KSR1: variants seen among roughly 807,000 people sequenced by gnomAD.
KSR1 encodes kinase suppressor of ras.
A neutral mutation model predicts 92.9 loss-of-function variants in KSR1; 35 were observed. The observed-to-expected ratio is 0.38, with a 90% CI of 0.29 to 0.50. The LOEUF (loss-of-function observed/expected upper bound fraction) is 0.50, where lower values mean the gene tolerates loss of function less well. KSR1 is among the 20% of genes least tolerant of loss of function. KSR1 has a pLI of 0.94. For missense variants in KSR1, 972 were observed against 1,158.5 expected (o/e 0.84, Z 2.34); for synonymous variants, 467 against 472.6 (o/e 0.99, Z 0.15).
intron 1 of KSR1, among the ~76,000 whole-genome samples, chr17:27,497,148 G>A (rs1411284681): frequency 2.0e-5 from 3 of 152,150 alleles, no homozygotes; most frequent in African/African-American, 4.8e-5. Flanking sequence ...ACCTCTTTGC[G>A]ATATGAGACA....
At chr17:27,621,048 G>A in intron 19 of KSR1, 145 bp from the exon 20 acceptor site, 1 of 396,404 alleles carries the variant, frequency 2.5e-6, no homozygotes, top group Non-Finnish European at 4.4e-6. Context: ...TTATTTTCGG[G>A]GGGTGGCGGA....
At chr17:27,461,675 C>G (rs1426222210) in intron 1 of KSR1, among the ~76,000 whole-genome samples, 2 of 152,202 alleles carry the variant, frequency 1.3e-5, no homozygotes, top group Non-Finnish European at 1.5e-5. Flanking sequence ...GGAGGGAGAC[C>G]CGCAGTGGCT....
At chr17:27,585,803 C>T (rs2072947357) in intron 5 of KSR1, 142 bp downstream of exon 5, 2 of 700,106 alleles carry the variant, frequency 2.9e-6, no homozygotes, top group Admixed American at 4.1e-5. Flanking sequence ...CTGGTGACCA[C>T]CTCAGGAAAT....
At chr17:27,606,499 C>T (rs1356248915) in intron 14 of KSR1, among the ~76,000 whole-genome samples, 25 of 152,192 alleles carry the variant, frequency 1.6e-4, no homozygotes, top group Non-Finnish European at 2.9e-5. Context: ...GCCTCCTGCA[C>T]CCGATTGTGG....
intron 19 of KSR1, among the ~76,000 whole-genome samples, chr17:27,618,734 C>T (rs1344872270): frequency 6.6e-6 from 1 of 152,204 alleles, no homozygotes; most frequent in Admixed American, 6.5e-5. Flanking sequence ...TGCCCCCCAA[C>T]CATGTAGAAA....
intron 1 of KSR1, among the ~76,000 whole-genome samples, chr17:27,475,087 G>T (rs971892205): frequency 6.6e-6 from 1 of 152,156 alleles, no homozygotes; most frequent in Non-Finnish European, 1.5e-5. Context: ...GTAGAGAAGG[G>T]CTCCATGGGG....
intron 1 of KSR1, among the ~76,000 whole-genome samples, chr17:27,513,145 A>G (rs1202790924): frequency 6.6e-6 from 1 of 152,144 alleles, no homozygotes; most frequent in Non-Finnish European, 1.5e-5. Flanking sequence ...CTTTCATGCA[A>G]CATTGTTGTG....
chr17:27,582,664 A>T lies in KSR1; in HGVS notation c.539A>T (p.Asp180Val), dbSNP rs756267878. 3.1e-6 allele frequency: 5 copies of T among 1,609,654 alleles called. No individual in the cohort carries two copies. In the Admixed American group the frequency reaches 5.0e-5, roughly 16 times the overall value. The change falls in exon 4 of 21, where the codon GAC becomes GTC. Residue 180 changes from aspartate (D) to valine (V), a missense_variant. Coordinates refer to ENST00000644974, the MANE Select transcript of KSR1 (RefSeq NM_001394583.1). ...TCCACAGGAGGGGAGCACAAGGAGG[A>T]CTCCAGTTGGAGTTCATTGGATGCG... ...VTGLGGEHKE[D>V]SSWSSLDARR...
At chr17:27,604,433 G>A (rs2073678497) in intron 12 of KSR1, among the ~76,000 whole-genome samples, 2 of 152,164 alleles carry the variant, frequency 1.3e-5, no homozygotes, top group Admixed American at 1.3e-4. Context: ...AAGGGGCTTT[G>A]GGGATCACTG....
At chr17:27,479,700 G>A (rs1440573373) in intron 1 of KSR1, among the ~76,000 whole-genome samples, 1 of 152,186 alleles carries the variant, frequency 6.6e-6, no homozygotes, top group Non-Finnish European at 1.5e-5. Flanking sequence ...GAGTGGGTAG[G>A]TTCTGGTTGG....
intron 18 of KSR1, among the ~76,000 whole-genome samples, chr17:27,614,156 TTTA>T (rs1373031036): frequency 1.6e-4 from 25 of 152,360 alleles, no homozygotes; most frequent in African/African-American, 5.5e-4. Context: ...AGCTGATTTT[TTTA>T]TTGTGACTTT....
chr17:27,521,237 C>G (rs1290036768), intron 1 of KSR1, among the ~76,000 whole-genome samples: 1 of 152,104 alleles, frequency 6.6e-6, no homozygotes, highest in Non-Finnish European at 1.5e-5. Context: ...GGTGGAAAGC[C>G]CCTGGTTAGG....
At chr17:27,485,293 GC>G (rs1429598859) in intron 1 of KSR1, among the ~76,000 whole-genome samples, 1 of 152,254 alleles carries the variant, frequency 6.6e-6, no homozygotes, top group Non-Finnish European at 1.5e-5. Flanking sequence ...GGCAGAGAGG[GC>G]AGGGTGATGG....
In KSR1 at chr17:27,512,679, C is replaced by T. The variant is rs578086327; in HGVS notation, c.232-37889C>T. 5.2e-4 allele frequency among the ~76,000 whole-genome samples: 79 copies of T among 152,316 alleles called. No homozygotes were observed. The South Asian group carries it at 9.7e-3, about 19-fold the overall frequency. On this transcript the variant is annotated intron_variant, in intron 1 of 20. Coordinates refer to ENST00000644974, the MANE Select transcript of KSR1 (RefSeq NM_001394583.1). ...CGGAGGTTGCAGTGAGCTGAGATCA[C>T]GCCACTGCACTCCAGCTTGGGCAAC...
chr17:27,543,589 C>A (rs564680188), intron 1 of KSR1, among the ~76,000 whole-genome samples: 1 of 152,230 alleles, frequency 6.6e-6, no homozygotes, highest in Non-Finnish European at 1.5e-5. Context: ...GCCTCACCAC[C>A]ATCCAAGTGA....
chr17:27,621,177 C>CAG lies in KSR1; in HGVS notation c.2628-16_2628-15insAG. 2 of 398,622 alleles carry CAG rather than the reference C, an allele frequency of 5.0e-6. No homozygotes were observed. The highest frequency in any genetic ancestry group is 8.8e-6 in the Non-Finnish European group (2 of 226,080). 24.7% of individuals were successfully genotyped at this position (398,622 alleles called of 1,614,324 possible). On this transcript the variant is annotated splice_polypyrimidine_tract_variant and intron_variant, in intron 19 of 20. Coordinates refer to ENST00000644974, the MANE Select transcript of KSR1 (RefSeq NM_001394583.1). ...CTCTTCCCACGCCTGGTGGAATGGT[C>CAG]GCTGGGCACTCCCAGTCGCTGGAGG...
chr17:27,566,034 C>A (rs1353801430), intron 2 of KSR1, among the ~76,000 whole-genome samples: 1 of 152,160 alleles, frequency 6.6e-6, no homozygotes, highest in Non-Finnish European at 1.5e-5. Flanking sequence ...TACCACTCAC[C>A]CGAAGCATGC....
At chr17:27,573,417 A>G (rs938393090) in intron 2 of KSR1, among the ~76,000 whole-genome samples, 11 of 152,096 alleles carry the variant, frequency 7.2e-5, no homozygotes, top group African/African-American at 2.4e-4. Context: ...GCCTAGAGCT[A>G]CCTCCTTAGA....
At chr17:27,519,222 G>C (rs762161178) in intron 1 of KSR1, among the ~76,000 whole-genome samples, 9 of 152,128 alleles carry the variant, frequency 5.9e-5, no homozygotes, top group Non-Finnish European at 1.3e-4. Context: ...CCTGCAGAAA[G>C]GAATTCTGAG....
Sources: gnomAD v4.1 joint callset for allele counts (sites outside exome capture counted in the v4.1 genomes callset) on GRCh38, gnomAD v4.1.1 for gene constraint, MANE v1.5 for transcripts, NCBI Gene and HGNC (gene_info 2026-07-23, HGNC 2026-07-21) for gene names.